The following P4HA1 variants were observed in gnomAD, a reference collection of about 807,000 sequenced individuals.
The protein encoded by P4HA1 is prolyl 4-hydroxylase subunit alpha 1.
P4HA1 carries 24 observed loss-of-function variants against 72.8 expected under a neutral mutation model. The observed-to-expected ratio is 0.33, with a 90% CI of 0.24 to 0.46. The LOEUF (loss-of-function observed/expected upper bound fraction) is 0.46, where lower values mean the gene tolerates loss of function less well. Among genes scored for constraint, P4HA1 ranks in the 20% least tolerant of loss-of-function variants. The probability of loss-of-function intolerance (pLI) is 1.00; values close to 1 mark genes in which losing one functional copy is unlikely to be tolerated. For missense variants in P4HA1, 446 were observed against 640.6 expected (o/e 0.70, Z 3.28); for synonymous variants, 201 against 218.8 (o/e 0.92, Z 0.72).
At chr10:73,008,947 A>C (rs1002791843) in intron 14 of P4HA1, among the ~76,000 whole-genome samples, 1 of 151,974 alleles carries the variant, frequency 6.6e-6, no homozygotes, top group Non-Finnish European at 1.5e-5. Context: ...AAACCCTGAC[A>C]ATTTTCCTTA....
intron 5 of P4HA1, among the ~76,000 whole-genome samples, chr10:73,058,170 G>A (rs1224109750): frequency 3.3e-5 from 5 of 151,346 alleles, no homozygotes; most frequent in South Asian, 2.1e-4. Context: ...AAAAAGAAAG[G>A]GGATGGTCAT....
intron 8 of P4HA1, among the ~76,000 whole-genome samples, 157 bp downstream of exon 8, chr10:73,046,768 A>AT (rs1212160139): frequency 2.0e-5 from 3 of 152,248 alleles, no homozygotes; most frequent in Non-Finnish European, 2.9e-5. Context: ...AAAAACTGGC[A>AT]TAAACACAGC....
intron 13 of P4HA1, 83 bp downstream of exon 13, chr10:73,010,886 T>A: frequency 2.1e-6 from 2 of 966,624 alleles, no homozygotes; most frequent in South Asian, 2.9e-5. Context: ...AAAAATGTAA[T>A]TCATTAATTA....
intron 9 of P4HA1, among the ~76,000 whole-genome samples, chr10:73,034,947 G>A (rs937488513): frequency 2.0e-5 from 3 of 152,006 alleles, no homozygotes; most frequent in African/African-American, 7.3e-5. Context: ...CCTTTTTTAA[G>A]GCTGAATAAT....
rs1003536033 is a variant in P4HA1 at position 73,037,172 on chromosome 10, C to CT, written c.1149-6803dup. ...TTCTTCAGATAACTTTATATGTGTC[C>CT]TTTTTTTTCCATTAAAAATTAAATA... is the stretch of plus-strand genomic sequence containing the variant. On this transcript the variant is annotated intron_variant, in intron 9 of 14. Coordinates refer to ENST00000394890, the MANE Select transcript of P4HA1 (RefSeq NM_001017962.3). Among the ~76,000 whole-genome samples, 12 of 151,552 alleles carry CT rather than the reference C, an allele frequency of 7.9e-5. No individual in the cohort carries two copies. In the East Asian group the frequency reaches 1.6e-3, roughly 20 times the overall value.
chr10:73,047,172 A>T, intron 7 of P4HA1, 71 bp from the exon 8 acceptor site: 1 of 1,042,078 alleles, frequency 9.6e-7, no homozygotes, highest in Non-Finnish European at 1.5e-6. Context: ...TCCTATGCAG[A>T]TAAGAGACAA....
intron 1 of P4HA1, among the ~76,000 whole-genome samples, chr10:73,079,806 T>C (rs1235194867): frequency 6.6e-6 from 1 of 152,118 alleles, no homozygotes; most frequent in African/African-American, 2.4e-5. Context: ...AGCAACCCTA[T>C]TATCTAGCAG....
intron 1 of P4HA1, among the ~76,000 whole-genome samples, chr10:73,092,051 C>T (rs1207772836): frequency 6.6e-6 from 1 of 152,120 alleles, no homozygotes; most frequent in African/African-American, 2.4e-5. Context: ...TCTTTCTAGT[C>T]TTCAATTATC....
intron 1 of P4HA1, among the ~76,000 whole-genome samples, 189 bp downstream of exon 1, chr10:73,096,577 G>A (rs1353972340): frequency 6.6e-6 from 1 of 152,182 alleles, no homozygotes; most frequent in Non-Finnish European, 1.5e-5. Context: ...CGCGGGCGCC[G>A]GGAGTCGCGT....
intron 9 of P4HA1, among the ~76,000 whole-genome samples, chr10:73,030,616 A>G (rs111256248): frequency 5.3e-4 from 81 of 152,272 alleles, no homozygotes; most frequent in African/African-American, 1.9e-3. Context: ...GCTTATATGA[A>G]AACAGTTGGA....
At chr10:73,049,331 TA>T (rs1283169751) in intron 7 of P4HA1, among the ~76,000 whole-genome samples, 2 of 152,208 alleles carry the variant, frequency 1.3e-5, no homozygotes, top group Admixed American at 1.3e-4. Context: ...AAGAAAATGT[TA>T]AACACTTTTC....
At chr10:73,077,912 C>G (rs947600281) in intron 1 of P4HA1, among the ~76,000 whole-genome samples, 17 of 150,422 alleles carry the variant, frequency 1.1e-4, no homozygotes, top group African/African-American at 3.9e-4. Context: ...TCACTTGAGA[C>G]CAGGAAGTTG....
chr10:73,030,223 G>C (rs112750182), intron 10 of P4HA1, 48 bp downstream of exon 10: 24 of 893,606 alleles, frequency 2.7e-5, no homozygotes, highest in African/African-American at 1.7e-4. Context: ...CTCCTCTCAA[G>C]CATCTCCTGA....
At chr10:73,028,251 A>G (rs1233130865) in intron 10 of P4HA1, among the ~76,000 whole-genome samples, 2 of 151,852 alleles carry the variant, frequency 1.3e-5, no homozygotes, top group Admixed American at 6.6e-5. Flanking sequence ...ACAGAAGAAA[A>G]GACCACGTGT....
intron 12 of P4HA1, among the ~76,000 whole-genome samples, chr10:73,012,836 C>T (rs995513105): frequency 4.6e-5 from 7 of 152,174 alleles, no homozygotes; most frequent in African/African-American, 1.7e-4. Flanking sequence ...CTCCGTTATC[C>T]AGGCTGGAGA....
rs1371985637 is a variant in P4HA1 at position 73,018,863 on chromosome 10, T to G, written c.1249-1964A>C. 3.9e-5 allele frequency among the ~76,000 whole-genome samples: 6 copies of G among 152,178 alleles called. No individual in the cohort carries two copies. The East Asian group carries it at 1.2e-3, about 29-fold the overall frequency. ...GAGGGTGCCTCAGAGTCACAGATCCTGGCACTATAGGCAACCTACATCCAA... is the reference window on the plus strand; with the variant it reads ...GAGGGTGCCTCAGAGTCACAGATCCGGGCACTATAGGCAACCTACATCCAA... On this transcript the variant is annotated intron_variant, in intron 10 of 14. Coordinates refer to ENST00000394890, the MANE Select transcript of P4HA1 (RefSeq NM_001017962.3).
At chr10:73,016,584 C>G (rs760963212) in intron 11 of P4HA1, among the ~76,000 whole-genome samples, 24 of 152,334 alleles carry the variant, frequency 1.6e-4, no homozygotes, top group Non-Finnish European at 2.5e-4. Flanking sequence ...CAAGACCAGC[C>G]TGGCCAAAAT....
intron 1 of P4HA1, among the ~76,000 whole-genome samples, chr10:73,078,037 G>T: frequency 8.6e-6 from 1 of 115,940 alleles, no homozygotes. Context: ...AAGCCAGATG[G>T]AATCTGAATA....
intron 1 of P4HA1, among the ~76,000 whole-genome samples, chr10:73,077,203 A>G (rs1841716752): frequency 6.6e-6 from 1 of 152,264 alleles, no homozygotes; most frequent in Non-Finnish European, 1.5e-5. Context: ...CTGTTTAAAC[A>G]TACTTCTATT....
Sources: allele counts gnomAD v4.1 joint callset (sites outside exome capture counted in the v4.1 genomes callset), GRCh38; gene constraint gnomAD v4.1.1; transcripts MANE v1.5; gene names NCBI Gene and HGNC (gene_info 2026-07-23, HGNC 2026-07-21).